The following MFSD2A variants were observed in gnomAD, a reference collection of about 807,000 sequenced individuals.
MFSD2A encodes the protein sodium-dependent lysophosphatidylcholine symporter 1.
In MFSD2A, 27 loss-of-function variants were observed where a neutral mutation model predicts 64.7. The ratio of observed to expected loss-of-function variants is 0.42; its 90% CI spans 0.31 to 0.58. MFSD2A has a LOEUF of 0.58. Among genes scored for constraint, MFSD2A ranks in the 20% least tolerant of loss-of-function variants. The pLI is 0.18. For synonymous variants in MFSD2A, 258 were observed against 273.4 expected, an observed-to-expected ratio of 0.94 and a Z score of 0.55; for missense variants, 474 against 679.5, an observed-to-expected ratio of 0.70 and a Z score of 3.36.
rs1244091631 is a variant in MFSD2A at position 39,955,760 on chromosome 1, C to G, written c.93+375C>G. 1.3e-5 allele frequency: 6 copies of G among 462,288 alleles called. No individual in the cohort carries two copies. Among genetic ancestry groups the G allele is most frequent in the Admixed American group, 5.4e-5 (2 of 37,348 alleles). The allele number at this position is 462,288 out of a possible 1,614,324, so 28.6% of individuals were successfully genotyped here. On this transcript the variant is annotated intron_variant, in intron 1 of 13. Coordinates refer to ENST00000372811, the MANE Select transcript of MFSD2A (RefSeq NM_032793.5). The surrounding 1 kb of genome is among the most constrained non-coding windows in gnomAD (Gnocchi z 5.9). ...CCCTTGGTTCCCCATCTCTCATCCC[C>G]TACCTCCCACTCCACCCACCTACTC... is the stretch of plus-strand genomic sequence containing the variant.
rs768640316 is a variant in MFSD2A, at chr1:39,957,200, C to A, written c.207C>A (p.Ile69=). 3 of 1,606,296 alleles carry A rather than the reference C, an allele frequency of 1.9e-6. No homozygotes were observed. The South Asian group carries it at 3.3e-5, about 18-fold the overall frequency. ...GTGCCCTGGGTTTCTTCCTTCAGAT[C>A]TACCTATTGGATGTGGCTCAGGTGA... is the stretch of plus-strand genomic sequence containing the variant. ...TGCALGFFLQ[I]YLLDVAQVGP... Residue 69 remains isoleucine (I), a synonymous_variant, in exon 2 of 14, where the codon ATC becomes ATA. Coordinates refer to ENST00000372811, the MANE Select transcript of MFSD2A (RefSeq NM_032793.5).
At position 39,968,265 on chromosome 1, in the gene MFSD2A, C is replaced by T; in HGVS notation, c.1209-69C>T. 6.2e-7 allele frequency: 1 copy of T among 1,600,328 alleles called. No homozygotes were observed. The highest frequency in any genetic ancestry group is 1.3e-5 in the African/African-American group (1 of 74,764). ...ATGGTACTGCAAGCTTCCAGAGGGC[C>T]ACCTCTTCTCATTAACACAGAGGCC... On this transcript the variant is annotated intron_variant, in intron 11 of 13. Coordinates refer to ENST00000372811, the MANE Select transcript of MFSD2A (RefSeq NM_032793.5). The surrounding 1 kb of genome is among the most constrained non-coding windows in gnomAD (Gnocchi z 4.4).
At position 39,958,574 on chromosome 1, in the gene MFSD2A, T is replaced by G; in HGVS notation, c.229-127T>G. Reference sequence around the variant, plus strand: ...GGCAAGTGAAGATGTGTAAGGTCCATGTGGGAGCAGCTCAGGGTCACAAGA... The same window carrying G: ...GGCAAGTGAAGATGTGTAAGGTCCAGGTGGGAGCAGCTCAGGGTCACAAGA... On this transcript the variant is annotated intron_variant, in intron 2 of 13. Transcript: ENST00000372811. This position sits in a 1 kb window ranked among gnomAD's most constrained non-coding sequence, Gnocchi z 4.7. 1 of 1,434,352 alleles carries G rather than the reference T, an allele frequency of 7.0e-7. No individual in the cohort carries two copies. Among genetic ancestry groups the G allele is most frequent in the Non-Finnish European group, 9.8e-7 (1 of 1,021,362 alleles). 88.9% of individuals were successfully genotyped at this position (1,434,352 alleles called of 1,614,324 possible).
rs572232372 is a variant in MFSD2A, at chr1:39,963,159, G to A, written c.354-2052G>A. On this transcript the variant is annotated intron_variant, in intron 3 of 13. Transcript: ENST00000372811. The surrounding 1 kb of genome is among the most constrained non-coding windows in gnomAD (Gnocchi z 4.2). ...CCCTGCACCCAGGAGCACTGGCATCGTCTCCACACCTGTGCCCAAGAAGCT... is the reference window on the plus strand; with the variant it reads ...CCCTGCACCCAGGAGCACTGGCATCATCTCCACACCTGTGCCCAAGAAGCT... 59 of 1,468,396 alleles carry A rather than the reference G, an allele frequency of 4.0e-5. No homozygotes were observed. Among genetic ancestry groups the A allele is most frequent in the African/African-American group, 1.1e-4 (8 of 72,252 alleles). The allele number at this position is 1,468,396 out of a possible 1,614,324, so 91.0% of individuals were successfully genotyped here. A position where few individuals can be genotyped will look rare whatever the true frequency, so the allele number is the denominator to read the frequency against.
In MFSD2A at chr1:39,955,396, G is replaced by A; in HGVS notation, c.93+11G>A. 6.6e-7 allele frequency: 1 copy of A among 1,510,488 alleles called. No homozygotes were observed. Among genetic ancestry groups the A allele is most frequent in the Non-Finnish European group, 8.9e-7 (1 of 1,129,160 alleles). 93.6% of individuals were successfully genotyped at this position (1,510,488 alleles called of 1,614,324 possible). A position where few individuals can be genotyped will look rare whatever the true frequency, so the allele number is the denominator to read the frequency against. ...CCGGCCCAGGTGAAGGTGAGGGCCCGGCACCCCGCGTGGAGGGCGAGGGGA... is the reference window on the plus strand; with the variant it reads ...CCGGCCCAGGTGAAGGTGAGGGCCCAGCACCCCGCGTGGAGGGCGAGGGGA... On this transcript the variant is annotated intron_variant, in intron 1 of 13. Transcript: ENST00000372811. This position sits in a 1 kb window ranked among gnomAD's most constrained non-coding sequence, Gnocchi z 5.9.
rs771576697 is a variant in MFSD2A at position 39,965,920 on chromosome 1, A to G, written c.620A>G (p.Gln207Arg). Residue 207 changes from glutamine (Q) to arginine (R), a missense_variant, in exon 6 of 14, where the codon CAA becomes CGA. Physicochemically the swap from Gln to Arg is conservative, Grantham distance 43. Coordinates refer to ENST00000372811, the MANE Select transcript of MFSD2A (RefSeq NM_032793.5). This position sits in a 1 kb window ranked among gnomAD's most constrained non-coding sequence, Gnocchi z 5.5. The stretch of plus-strand genomic sequence containing the variant: ...GCGATCCAGGGACAAATCGTGGGCC[A>G]AGCAGACACGCCTTGTTTCCAGGAC... ...GTAIQGQIVGQADTPCFQDLN... is the reference protein window; with the variant it reads ...GTAIQGQIVGRADTPCFQDLN... The G allele has an allele frequency of 1.9e-6, 3 of 1,614,158 alleles. No homozygotes were observed. In the Admixed American group the frequency reaches 5.0e-5, roughly 27 times the overall value.
At position 39,965,591 on chromosome 1, in the gene MFSD2A, C is replaced by G; in HGVS notation, c.556+42C>G. The G allele has an allele frequency of 6.3e-7, 1 of 1,590,122 alleles. No homozygotes were observed. Among genetic ancestry groups the G allele is most frequent in the Non-Finnish European group, 8.6e-7 (1 of 1,158,564 alleles). ...CACCTGACCCCACCCTCCAGGGACC[C>G]TCCAGCCATACTTCTTCCCTTGCGG... On this transcript the variant is annotated intron_variant, in intron 5 of 13. Coordinates refer to ENST00000372811, the MANE Select transcript of MFSD2A (RefSeq NM_032793.5). The surrounding 1 kb of genome is among the most constrained non-coding windows in gnomAD (Gnocchi z 5.5).
rs755637467 is a variant in MFSD2A at position 39,966,091 on chromosome 1, A to G, written c.714+77A>G. 755 of 1,504,040 alleles carry G rather than the reference A, an allele frequency of 5.0e-4. 2 individuals carry two copies. Among genetic ancestry groups the G allele is most frequent in the Middle Eastern group, 4.2e-3 (24 of 5,664 alleles). The allele number at this position is 1,504,040 out of a possible 1,614,324, so 93.2% of individuals were successfully genotyped here. On this transcript the variant is annotated intron_variant, in intron 6 of 13. Transcript: ENST00000372811. The stretch of plus-strand genomic sequence containing the variant: ...GTTTGTAGTCATCCTAAAGATAGTA[A>G]CAGCTAGTGTTTATTAAATAAATGT...
Position 39,969,565 on chromosome 1 carries a change from C to G in MFSD2A, c.1590C>G (p.Leu530=). ...ETDSTELASI[L] Reference sequence around the variant, plus strand: ...ACTCCACAGAGCTGGCTAGCATCCTCTAGGGCCCGCCACGTTGCCCGAAGC... The same window carrying G: ...ACTCCACAGAGCTGGCTAGCATCCTGTAGGGCCCGCCACGTTGCCCGAAGC... The change falls in exon 14 of 14, where the codon CTC becomes CTG. Residue 530 remains leucine, a synonymous_variant. Transcript: ENST00000372811. 6.2e-7 allele frequency: 1 copy of G among 1,609,250 alleles called. No individual in the cohort carries two copies. Among genetic ancestry groups the G allele is most frequent in the Non-Finnish European group, 8.5e-7 (1 of 1,177,962 alleles).
At position 39,965,068 on chromosome 1, in the gene MFSD2A, G is replaced by A. The variant is rs532028431; in HGVS notation, c.354-143G>A. 2.7e-5 allele frequency: 31 copies of A among 1,151,308 alleles called. No homozygotes were observed. The African/African-American group carries it at 4.5e-4, about 17-fold the overall frequency. The allele number at this position is 1,151,308 out of a possible 1,614,324, so 71.3% of individuals were successfully genotyped here. Reference sequence around the variant, plus strand: ...CAGCCTCTTCCCAGAGGCCCAGGATGGGTGGATTTGGCAGGAGTATGGGGA... The same window carrying A: ...CAGCCTCTTCCCAGAGGCCCAGGATAGGTGGATTTGGCAGGAGTATGGGGA... On this transcript the variant is annotated intron_variant, in intron 3 of 13. Coordinates refer to ENST00000372811, the MANE Select transcript of MFSD2A (RefSeq NM_032793.5). The surrounding 1 kb of genome is among the most constrained non-coding windows in gnomAD (Gnocchi z 5.5).
chr1:39,961,562 T>C (rs1232503107), intron 3 of MFSD2A, among the ~76,000 whole-genome samples: 2 of 151,822 alleles, frequency 1.3e-5, no homozygotes, highest in Non-Finnish European at 2.9e-5. Context: ...TTAGCCAAGA[T>C]GGTCTCGATC....
chr1:39,966,755 C>T, intron 7 of MFSD2A, 56 bp from the exon 8 acceptor site: 2 of 1,613,480 alleles, frequency 1.2e-6, no homozygotes, highest in Non-Finnish European at 1.7e-6. Flanking sequence ...TCTGCCTGGC[C>T]CTCAGGCTTT....
Position 39,969,603 on chromosome 1 carries a change from G to A in MFSD2A, c.*35G>A. ...CGTTGCCCGAAGCCACCATGCAGAA[G>A]GCCACAGAAGGGATCAGGACCTGTC... On this transcript the variant is annotated 3_prime_UTR_variant, in exon 14 of 14. Transcript: ENST00000372811. 1.9e-6 allele frequency: 3 copies of A among 1,594,130 alleles called. No homozygotes were observed. The highest frequency in any genetic ancestry group is 2.6e-6 in the Non-Finnish European group (3 of 1,167,054).
At position 39,958,587 on chromosome 1, in the gene MFSD2A, C is replaced by T; in HGVS notation, c.229-114C>T. 4 of 1,556,688 alleles carry T rather than the reference C, an allele frequency of 2.6e-6. No homozygotes were observed. The highest frequency in any genetic ancestry group is 3.5e-6 in the Non-Finnish European group (4 of 1,129,628). Reference sequence around the variant, plus strand: ...GTGTAAGGTCCATGTGGGAGCAGCTCAGGGTCACAAGATCCTGGCTGAGAT... The same window carrying T: ...GTGTAAGGTCCATGTGGGAGCAGCTTAGGGTCACAAGATCCTGGCTGAGAT... On this transcript the variant is annotated intron_variant, in intron 2 of 13. Transcript: ENST00000372811. This position sits in a 1 kb window ranked among gnomAD's most constrained non-coding sequence, Gnocchi z 4.7.
At chr1:39,961,685 A>T (rs1254251296) in intron 3 of MFSD2A, among the ~76,000 whole-genome samples, 1 of 150,714 alleles carries the variant, frequency 6.6e-6, no homozygotes, top group South Asian at 2.1e-4. Context: ...AAACAAAAAA[A>T]CACATATATA....
intron 1 of MFSD2A, among the ~76,000 whole-genome samples, chr1:39,956,355 C>T (rs1260997244): frequency 2.0e-5 from 3 of 152,316 alleles, no homozygotes; most frequent in East Asian, 3.9e-4. Context: ...GCCGGGCCCC[C>T]GTAGCTCTCT....
At chr1:39,969,347 C>A (rs1173612196) in intron 13 of MFSD2A, among the ~76,000 whole-genome samples, 158 bp from the exon 14 acceptor site, 1 of 152,060 alleles carries the variant, frequency 6.6e-6, no homozygotes, top group Non-Finnish European at 1.5e-5. Flanking sequence ...AGTAAACAGA[C>A]CAACCAACAG....
rs758264809 is a variant in MFSD2A, at chr1:39,968,588, C to T, written c.1372C>T (p.Arg458Cys). ...CCATAGCTTTGCAGGGTACCAGACC[C>T]GTGGCTGCTCGCAGCCGGAACGTGT... ...LSLDFAGYQT[R>C]GCSQPERVKF... Residue 458 changes from arginine to cysteine, a missense_variant, in exon 13 of 14, where the codon CGT becomes TGT. Physicochemically the swap from Arg to Cys is radical, Grantham distance 180. Coordinates refer to ENST00000372811, the MANE Select transcript of MFSD2A (RefSeq NM_032793.5). This position sits in a 1 kb window ranked among gnomAD's most constrained non-coding sequence, Gnocchi z 4.4. The T allele has an allele frequency of 5.0e-6, 8 of 1,614,074 alleles. No homozygotes were observed. Among genetic ancestry groups the T allele is most frequent in the East Asian group, 2.2e-5 (1 of 44,892 alleles).
Position 39,965,436 on chromosome 1 carries a change from C to T in MFSD2A, c.478-35C>T, listed in dbSNP as rs757692367. On this transcript the variant is annotated intron_variant, in intron 4 of 13. Coordinates refer to ENST00000372811, the MANE Select transcript of MFSD2A (RefSeq NM_032793.5). This position sits in a 1 kb window ranked among gnomAD's most constrained non-coding sequence, Gnocchi z 5.5. Reference sequence around the variant, plus strand: ...TGGAAGCTACATCAGTGTGTCCACCCGCCTGACCAGCCAATGACCTGTCTT... The same window carrying T: ...TGGAAGCTACATCAGTGTGTCCACCTGCCTGACCAGCCAATGACCTGTCTT... 26 of 1,613,454 alleles carry T rather than the reference C, an allele frequency of 1.6e-5. No homozygotes were observed. Among genetic ancestry groups the T allele is most frequent in the East Asian group, 6.7e-5 (3 of 44,886 alleles).
Sources: allele counts gnomAD v4.1 joint callset (sites outside exome capture counted in the v4.1 genomes callset), GRCh38; gene constraint gnomAD v4.1.1; non-coding constraint Gnocchi (gnomAD v3.1); transcripts MANE v1.5; gene names NCBI Gene and HGNC (gene_info 2026-07-23, HGNC 2026-07-21).